Variants in CACNG4 observed in about 807,000 individuals in gnomAD.
CACNG4 encodes the protein voltage-dependent calcium channel gamma-4 subunit.
CACNG4 carries 8 observed loss-of-function variants against 22.9 expected under a neutral mutation model. The observed-to-expected ratio is 0.35, with a 90% CI of 0.21 to 0.63. The LOEUF (loss-of-function observed/expected upper bound fraction) is 0.63. Among genes scored for constraint, CACNG4 ranks in the 30% least tolerant of loss-of-function variants. The probability of loss-of-function intolerance (pLI) is 0.72; values close to 1 mark genes in which losing one functional copy is unlikely to be tolerated. For missense variants in CACNG4, 357 were observed against 455.4 expected (o/e 0.78, Z 1.97); for synonymous variants, 188 against 191.9 (o/e 0.98, Z 0.17).
intron 1 of CACNG4, among the ~76,000 whole-genome samples, chr17:67,013,525 C>A (rs1240340704): frequency 6.6e-6 from 1 of 152,106 alleles, no homozygotes; most frequent in African/African-American, 2.4e-5. Flanking sequence ...TTTAATGAGG[C>A]CAGGTGTGAT....
Position 66,984,593 on chromosome 17 carries a change from G to A in CACNG4, c.220+19462G>A, listed in dbSNP as rs1250570751. Among the ~76,000 whole-genome samples the A allele has an allele frequency of 3.9e-5, 6 of 152,154 alleles. No homozygotes were observed. Among genetic ancestry groups the A allele is most frequent in the Admixed American group, 3.9e-4 (6 of 15,276 alleles). On this transcript the variant is annotated intron_variant, in intron 1 of 3. Transcript: ENST00000262138. This position sits in a 1 kb window ranked among gnomAD's most constrained non-coding sequence, Gnocchi z 4.0. ...CATTCAGCACTTATTTTTGCACCCAGCCTCTTGGGAACAGGGTTTGACCTT... is the reference window on the plus strand; with the variant it reads ...CATTCAGCACTTATTTTTGCACCCAACCTCTTGGGAACAGGGTTTGACCTT...
At chr17:66,973,932 G>A (rs188931088) in intron 1 of CACNG4, among the ~76,000 whole-genome samples, 2 of 152,294 alleles carry the variant, frequency 1.3e-5, no homozygotes, top group African/African-American at 4.8e-5. Flanking sequence ...TCTGAACTGC[G>A]AGGCAGGACA....
intron 1 of CACNG4, among the ~76,000 whole-genome samples, chr17:67,008,147 A>G (rs539805730): frequency 4.3e-4 from 65 of 152,296 alleles, no homozygotes; most frequent in Middle Eastern, 3.4e-3. Context: ...TGTAAGTTCA[A>G]TGAAGGAACT....
rs768565187 is a variant in CACNG4, at chr17:67,018,233, G to T, written c.265G>T (p.Asp89Tyr). Residue 89 changes from aspartate to tyrosine, a missense_variant, in exon 2 of 4, where the codon GAC becomes TAC. Physicochemically the swap from Asp to Tyr is radical, Grantham distance 160 (BLOSUM62 -3). Transcript: ENST00000262138. ...HCFRINHFPE[D>Y]NDYDHDSSEY... ...CTTCCGGATCAATCACTTCCCAGAGGACAATGACTACGACCACGACAGCTC... is the reference window on the plus strand; with the variant it reads ...CTTCCGGATCAATCACTTCCCAGAGTACAATGACTACGACCACGACAGCTC... 1.9e-6 allele frequency: 3 copies of T among 1,614,162 alleles called. No homozygotes were observed. In the South Asian group the frequency reaches 3.3e-5, roughly 18 times the overall value.
intron 1 of CACNG4, among the ~76,000 whole-genome samples, chr17:66,965,835 C>G (rs2035166845): frequency 6.6e-6 from 1 of 152,152 alleles, no homozygotes; most frequent in Admixed American, 6.5e-5. Context: ...CACCGGCCCG[C>G]TCCTCGCTGT....
intron 1 of CACNG4, among the ~76,000 whole-genome samples, chr17:67,013,825 T>C (rs2035481310): frequency 1.3e-5 from 2 of 151,978 alleles, no homozygotes; most frequent in Non-Finnish European, 2.9e-5. Flanking sequence ...AGAAATATTC[T>C]TTTAATGAAA....
chr17:66,998,617 C>T (rs905762083), intron 1 of CACNG4, among the ~76,000 whole-genome samples: 2 of 152,176 alleles, frequency 1.3e-5, no homozygotes, highest in Non-Finnish European at 2.9e-5. Context: ...GTGTTCCCCG[C>T]TCACCCTCCC....
chr17:67,012,770 C>T (rs770368807), intron 1 of CACNG4, among the ~76,000 whole-genome samples: 7 of 152,196 alleles, frequency 4.6e-5, no homozygotes, highest in Non-Finnish European at 8.8e-5. Flanking sequence ...GCAGGCTCCA[C>T]CTGCACAGAG....
chr17:66,977,128 C>T (rs988567859), intron 1 of CACNG4, among the ~76,000 whole-genome samples: 1 of 152,214 alleles, frequency 6.6e-6, no homozygotes, highest in Admixed American at 6.5e-5. Flanking sequence ...TGTCATCTCT[C>T]GCCTGGATGC....
chr17:67,025,741 C>G (rs1046041987), intron 3 of CACNG4, among the ~76,000 whole-genome samples: 17 of 152,264 alleles, frequency 1.1e-4, no homozygotes, highest in African/African-American at 4.1e-4. Context: ...GTGCCGCACA[C>G]GTGGGCCTCC....
At chr17:66,975,226 C>T (rs188783280) in intron 1 of CACNG4, among the ~76,000 whole-genome samples, 2 of 152,190 alleles carry the variant, frequency 1.3e-5, no homozygotes, top group African/African-American at 4.8e-5. Flanking sequence ...TCATCAGTCT[C>T]CCTGGCTCAC....
chr17:66,991,730 A>G (rs1447686076), intron 1 of CACNG4, among the ~76,000 whole-genome samples: 2 of 152,156 alleles, frequency 1.3e-5, no homozygotes, highest in African/African-American at 4.8e-5. Context: ...CATGTTCATG[A>G]TTCTCTGATA....
At chr17:67,024,500 T>C (rs1014921260) in intron 2 of CACNG4, among the ~76,000 whole-genome samples, 1 of 152,228 alleles carries the variant, frequency 6.6e-6, no homozygotes, top group East Asian at 1.9e-4. Context: ...TCACGGAGAC[T>C]GCGTTCATGC....
At chr17:66,992,987 G>T (rs1169687201) in intron 1 of CACNG4, among the ~76,000 whole-genome samples, 1 of 152,250 alleles carries the variant, frequency 6.6e-6, no homozygotes, top group Non-Finnish European at 1.5e-5. Flanking sequence ...CCCAGAGGGA[G>T]CGCCCACCTT....
chr17:66,996,662 T>A (rs773531752), intron 1 of CACNG4, among the ~76,000 whole-genome samples: 12 of 152,330 alleles, frequency 7.9e-5, no homozygotes, highest in Admixed American at 2.0e-4. Context: ...ATTATGGGCA[T>A]GAGCCAGCGT....
chr17:66,974,059 C>G (rs578211407), intron 1 of CACNG4, among the ~76,000 whole-genome samples: 1 of 152,340 alleles, frequency 6.6e-6, no homozygotes, highest in East Asian at 1.9e-4. Flanking sequence ...CTTCCCCCTT[C>G]AACCATAAAA....
rs34332552 is a variant in CACNG4 at position 67,030,152 on chromosome 17, GGT to G, written c.446-294_446-293del. 0.32 allele frequency among the ~76,000 whole-genome samples: 28,542 copies of G among 88,464 alleles called. 4,579 individuals carry two copies. The highest frequency in any genetic ancestry group is 0.49 in the African/African-American group (17,937 of 36,610). The allele number at this position is 88,464 out of a possible 152,430, so 58.0% of individuals were successfully genotyped here. A position where few individuals can be genotyped will look rare whatever the true frequency, so the allele number is the denominator to read the frequency against. On this transcript the variant is annotated intron_variant, in intron 3 of 3. Coordinates refer to ENST00000262138, the MANE Select transcript of CACNG4 (RefSeq NM_014405.4). The surrounding 1 kb of genome is among the most constrained non-coding windows in gnomAD (Gnocchi z 6.4). ...AGTACTGTGCAAAGGAAATAATAGGGGTGTGTGTGTGTGTGTGTGTGAAGAGA... is the reference window on the plus strand; with the variant it reads ...AGTACTGTGCAAAGGAAATAATAGGGGTGTGTGTGTGTGTGTGTGAAGAGA...
In CACNG4 at chr17:67,032,308, G is replaced by A. The variant is rs942811053; in HGVS notation, c.*1304G>A. The A allele has an allele frequency of 4.8e-5, 15 of 311,854 alleles. No homozygotes were observed. In the East Asian group the frequency reaches 6.0e-4, roughly 12 times the overall value. 19.3% of individuals were successfully genotyped at this position (311,854 alleles called of 1,614,324 possible). A position where few individuals can be genotyped will look rare whatever the true frequency, so the allele number is the denominator to read the frequency against. ...CCCCCTCCTGAAGCAAGCAAAGAGCGTGGAGGCGTGTGCAGGCTTGGAAGA... is the reference window on the plus strand; with the variant it reads ...CCCCCTCCTGAAGCAAGCAAAGAGCATGGAGGCGTGTGCAGGCTTGGAAGA... On this transcript the variant is annotated 3_prime_UTR_variant, in exon 4 of 4. Transcript: ENST00000262138.
chr17:66,980,777 C>G (rs990514208), intron 1 of CACNG4, among the ~76,000 whole-genome samples: 1 of 152,014 alleles, frequency 6.6e-6, no homozygotes, highest in Non-Finnish European at 1.5e-5. Flanking sequence ...CACCACCACA[C>G]CTGGCTAATG....
Sources: allele counts gnomAD v4.1 joint callset (sites outside exome capture counted in the v4.1 genomes callset), GRCh38; gene constraint gnomAD v4.1.1; non-coding constraint Gnocchi (gnomAD v3.1); transcripts MANE v1.5; gene names NCBI Gene and HGNC (gene_info 2026-07-23, HGNC 2026-07-21).